The following MDGA2 variants were observed in gnomAD, a reference collection of about 807,000 sequenced individuals.
MDGA2 encodes the protein MAM domain containing glycosylphosphatidylinositol anchor 2, also known as MAM domain-containing glycosylphosphatidylinositol anchor protein 2.
Under a neutral mutation model 117.8 loss-of-function variants are expected in MDGA2, and 40 were observed. That is an observed-to-expected ratio of 0.34 (90% CI 0.26 to 0.44). The LOEUF is 0.44. MDGA2 is among the 20% of genes least tolerant of loss of function. The pLI is 1.00. For missense variants in MDGA2, 1,123 were observed against 1,250.6 expected, an observed-to-expected ratio of 0.90 and a Z score of 1.54; for synonymous variants, 452 against 439.0, an observed-to-expected ratio of 1.03 and a Z score of -0.37.
At chr14:47,309,119 C>T (rs1594786845) in intron 1 of MDGA2, among the ~76,000 whole-genome samples, 1 of 152,156 alleles carries the variant, frequency 6.6e-6, no homozygotes, top group Middle Eastern at 3.4e-3. Context: ...ATAATTTCTT[C>T]AAAAAATGGT....
chr14:47,098,474 C>G (rs576383265), intron 5 of MDGA2, among the ~76,000 whole-genome samples: 55 of 151,576 alleles, frequency 3.6e-4, no homozygotes, highest in African/African-American at 1.3e-3. Context: ...TTTATGATTA[C>G]AAACCTGTTG....
chr14:47,387,057 C>T (rs1280087294), intron 1 of MDGA2, among the ~76,000 whole-genome samples: 4 of 152,136 alleles, frequency 2.6e-5, no homozygotes, highest in Non-Finnish European at 4.4e-5. Context: ...GACTGTACAG[C>T]CCCATGACTG....
rs189157706 is a variant in MDGA2, at chr14:47,186,932, T to A, written c.595+31089A>T. Among the ~76,000 whole-genome samples, 127 of 152,114 alleles carry A rather than the reference T, an allele frequency of 8.3e-4. 1 individual carries two copies. The highest frequency in any genetic ancestry group is 3.0e-3 in the African/African-American group (125 of 41,570). Reference sequence around the variant, plus strand: ...TTTGCTATGAGTTTATAATCATTTGTTTTATCTCATTCTGAATGTGGCTCT... The same window carrying A: ...TTTGCTATGAGTTTATAATCATTTGATTTATCTCATTCTGAATGTGGCTCT... On this transcript the variant is annotated intron_variant, in intron 3 of 16. Transcript: ENST00000399232.
rs1368009437 is a variant in MDGA2 at position 46,924,987 on chromosome 14, G to T, written c.2090-4827C>A. Among the ~76,000 whole-genome samples, 11 of 152,302 alleles carry T rather than the reference G, an allele frequency of 7.2e-5. No individual in the cohort carries two copies. The East Asian group carries it at 1.7e-3, about 24-fold the overall frequency. ...TTAATAGACTACTGCAAGAAGAGAAGTTGGTAATGAGGCCACCACCTATGA... is the reference window on the plus strand; with the variant it reads ...TTAATAGACTACTGCAAGAAGAGAATTTGGTAATGAGGCCACCACCTATGA... On this transcript the variant is annotated intron_variant, in intron 9 of 16. Coordinates refer to ENST00000399232, the MANE Select transcript of MDGA2 (RefSeq NM_001113498.3).
chr14:47,587,337 A>G (rs55978103), intron 1 of MDGA2, among the ~76,000 whole-genome samples: 7,657 of 151,926 alleles, frequency 0.05, 643 homozygotes, highest in African/African-American at 0.17. Flanking sequence ...TGGAATATAT[A>G]TTTATTACTT....
chr14:46,879,100 C>T (rs1432331340), intron 11 of MDGA2, among the ~76,000 whole-genome samples: 1 of 152,020 alleles, frequency 6.6e-6, no homozygotes, highest in Non-Finnish European at 1.5e-5. Context: ...GCCTAATCCC[C>T]AATGTGATTG....
intron 6 of MDGA2, among the ~76,000 whole-genome samples, chr14:47,067,663 A>G (rs1447567438): frequency 6.6e-6 from 1 of 152,230 alleles, no homozygotes; most frequent in Admixed American, 6.5e-5. Flanking sequence ...TCTGAAATGT[A>G]CATTTTGCAA....
At chr14:47,514,322 C>A (rs968464037) in intron 1 of MDGA2, among the ~76,000 whole-genome samples, 2 of 152,046 alleles carry the variant, frequency 1.3e-5, no homozygotes, top group African/African-American at 4.8e-5. Context: ...GACGAGCCAT[C>A]TTTCATTTGT....
At chr14:47,143,952 C>G in intron 4 of MDGA2, 126 bp downstream of exon 4, 1 of 545,706 alleles carries the variant, frequency 1.8e-6, no homozygotes, top group Non-Finnish European at 3.0e-6. Context: ...TTAAGTCAAG[C>G]ACACATTGGT....
chr14:47,077,170 T>A (rs1322448720), intron 6 of MDGA2, among the ~76,000 whole-genome samples: 3 of 152,118 alleles, frequency 2.0e-5, no homozygotes, highest in African/African-American at 7.2e-5. Context: ...GGATTCCTTT[T>A]GATTATAACA....
chr14:47,050,467 T>C (rs1889418309), intron 7 of MDGA2, among the ~76,000 whole-genome samples: 1 of 152,052 alleles, frequency 6.6e-6, no homozygotes, highest in South Asian at 2.1e-4. Flanking sequence ...TTGACATGGG[T>C]GTTCACAAAA....
intron 1 of MDGA2, among the ~76,000 whole-genome samples, chr14:47,670,758 G>A (rs1356501059): frequency 1.3e-5 from 2 of 152,062 alleles, no homozygotes; most frequent in African/African-American, 4.8e-5. Context: ...GTTATCCAGT[G>A]ATGTTTAATT....
intron 1 of MDGA2, among the ~76,000 whole-genome samples, chr14:47,447,804 G>T (rs10131923): frequency 0.68 from 103,055 of 152,060 alleles, 35,429 homozygotes; most frequent in African/African-American, 0.78. Context: ...CAGTCAAAGC[G>T]TATTGTCTCT....
intron 9 of MDGA2, among the ~76,000 whole-genome samples, chr14:46,925,493 G>T (rs984249980): frequency 6.6e-6 from 1 of 151,784 alleles, no homozygotes; most frequent in Non-Finnish European, 1.5e-5. Context: ...TCAACTGGGA[G>T]TGGTGGCAGG....
At chr14:47,538,304 G>C (rs1895265314) in intron 1 of MDGA2, among the ~76,000 whole-genome samples, 1 of 152,062 alleles carries the variant, frequency 6.6e-6, no homozygotes, top group African/African-American at 2.4e-5. Context: ...TCAAATTTGT[G>C]AATTATTTTT....
At chr14:47,202,189 C>A (rs557607379) in intron 3 of MDGA2, among the ~76,000 whole-genome samples, 61 of 152,176 alleles carry the variant, frequency 4.0e-4, no homozygotes, top group African/African-American at 1.4e-3. Flanking sequence ...ATGGGCTTAA[C>A]ACTTTTGGGG....
At chr14:47,537,740 T>G (rs1401070246) in intron 1 of MDGA2, among the ~76,000 whole-genome samples, 1 of 152,120 alleles carries the variant, frequency 6.6e-6, no homozygotes, top group Non-Finnish European at 1.5e-5. Flanking sequence ...CCATTGATCC[T>G]GTGCAAAAGA....
Position 47,218,034 on chromosome 14 carries a change from T to C in MDGA2, c.582A>G (p.Arg194=). 6.5e-7 allele frequency: 1 copy of C among 1,549,476 alleles called. No homozygotes were observed. Among genetic ancestry groups the C allele is most frequent in the Non-Finnish European group, 8.7e-7 (1 of 1,145,740 alleles). Reference sequence around the variant, plus strand: ...AAATTTACTTACAGTATACATCCACTCTGATTGACTTTATCGCTGGAGACC... The same window carrying C: ...AAATTTACTTACAGTATACATCCACCCTGATTGACTTTATCGCTGGAGACC... ...GLGSPAIKSI[R]VDVYYLDDPV... is the part of the protein sequence containing the mutation. Residue 194 remains arginine (R), a synonymous_variant, in exon 3 of 17, where the codon AGA becomes AGG. Coordinates refer to ENST00000399232, the MANE Select transcript of MDGA2 (RefSeq NM_001113498.3).
chr14:47,200,780 G>A (rs1372526831), intron 3 of MDGA2: 2 of 832,892 alleles, frequency 2.4e-6, no homozygotes, highest in Non-Finnish European at 4.0e-6. Context: ...CCCCAGTTAG[G>A]CAAACTTTCT....
Sources: allele counts gnomAD v4.1 joint callset (sites outside exome capture counted in the v4.1 genomes callset), GRCh38; gene constraint gnomAD v4.1.1; transcripts MANE v1.5; gene names NCBI Gene and HGNC (gene_info 2026-07-23, HGNC 2026-07-21).